ARB2A: variants seen among roughly 807,000 people sequenced by gnomAD.
The protein encoded by ARB2A is cotranscriptional regulator ARB2A.
At chr5:93,829,435 T>C in the ARB2A span, among the ~76,000 whole-genome samples, 1 of 152,210 alleles carries the variant, frequency 6.6e-6, no homozygotes, top group African/African-American at 2.4e-5. Context: ...TCATTTCCTC[T>C]GGAAAGTCAA....
chr5:93,954,248 C>T, the ARB2A span, among the ~76,000 whole-genome samples: 12 of 152,146 alleles, frequency 7.9e-5, no homozygotes, highest in African/African-American at 2.6e-4. Context: ...CACCTGAAGC[C>T]GCACATCTCA....
At chr5:93,658,093 T>C in the ARB2A span, among the ~76,000 whole-genome samples, 1 of 152,150 alleles carries the variant, frequency 6.6e-6, no homozygotes, top group African/African-American at 2.4e-5. Context: ...TTAGACTTCT[T>C]AATGTTTCTA....
the ARB2A span, chr5:93,784,366 A>G: frequency 6.2e-7 from 1 of 1,603,126 alleles, no homozygotes; most frequent in East Asian, 2.2e-5. Context: ...TCAGCACTAA[A>G]AAAAACCAAG....
chr5:94,056,611 TAA>T, the ARB2A span, among the ~76,000 whole-genome samples: 428 of 152,284 alleles, frequency 2.8e-3, 4 homozygotes, highest in Non-Finnish European at 4.0e-3. Context: ...CTCTAGTGGT[TAA>T]AGTGATCCAG....
chr5:93,881,713 C>A, the ARB2A span: 1 of 1,424,462 alleles, frequency 7.0e-7, no homozygotes, highest in Non-Finnish European at 9.3e-7. Context: ...AAGAAGGTAG[C>A]ATAATTTAAA....
chr5:93,683,350 T>C, the ARB2A span: 1 of 1,603,822 alleles, frequency 6.2e-7, no homozygotes, highest in Non-Finnish European at 8.5e-7. Flanking sequence ...CTTCTGACTC[T>C]GCATCTTCCT....
At chr5:94,048,117 C>T in the ARB2A span, among the ~76,000 whole-genome samples, 2 of 124,832 alleles carry the variant, frequency 1.6e-5, no homozygotes, top group African/African-American at 3.0e-5. Flanking sequence ...TGCAGTGGCA[C>T]GATCTCTGTT....
chr5:93,808,205 G>A, the ARB2A span, among the ~76,000 whole-genome samples: 1 of 151,938 alleles, frequency 6.6e-6, no homozygotes, highest in Non-Finnish European at 1.5e-5. Context: ...ATTTTTAATA[G>A]CTAGTTAAAA....
the ARB2A span, among the ~76,000 whole-genome samples, chr5:93,707,941 T>C: frequency 6.6e-6 from 1 of 152,226 alleles, no homozygotes; most frequent in Non-Finnish European, 1.5e-5. Context: ...ATCTCTTCTC[T>C]ACCCATTTAC....
chr5:94,005,390 T>C, the ARB2A span, among the ~76,000 whole-genome samples: 508 of 152,240 alleles, frequency 3.3e-3, 4 homozygotes, highest in African/African-American at 0.011. Flanking sequence ...TGTATTTTAG[T>C]AGAGATAGGG....
the ARB2A span, among the ~76,000 whole-genome samples, chr5:93,744,434 C>CAAAAAAAAAAAAAAAAAAAAAAAAAAAAA: frequency 1.4e-4 from 2 of 14,534 alleles, 1 homozygote; most frequent in African/African-American, 4.8e-4. Context: ...GACTCAGTCT[C>CAAAAAAAAAAAAAAAAAAAAAAAAAAAAA]AAAAAAAAAA....
At chr5:93,860,112 G>A in the ARB2A span, among the ~76,000 whole-genome samples, 1 of 152,044 alleles carries the variant, frequency 6.6e-6, no homozygotes, top group Non-Finnish European at 1.5e-5. Flanking sequence ...GACCAAGATG[G>A]TGAAACCCCG....
At chr5:93,982,324 T>C in the ARB2A span, among the ~76,000 whole-genome samples, 1 of 152,152 alleles carries the variant, frequency 6.6e-6, no homozygotes, top group African/African-American at 2.4e-5. Context: ...TGTATACAGA[T>C]AAAATGGATA....
chr5:93,914,720 A>C, the ARB2A span, among the ~76,000 whole-genome samples: 4 of 151,878 alleles, frequency 2.6e-5, no homozygotes, highest in Non-Finnish European at 5.9e-5. Context: ...TTTTTTACCT[A>C]ATCTAGATCT....
the ARB2A span, among the ~76,000 whole-genome samples, chr5:93,627,438 G>GTT: frequency 1.7e-3 from 179 of 108,018 alleles, 2 homozygotes; most frequent in African/African-American, 4.2e-3. Context: ...TACAAAATGT[G>GTT]TTTTGTTTTT....
the ARB2A span, among the ~76,000 whole-genome samples, chr5:93,815,684 G>C: frequency 5.6e-3 from 857 of 152,186 alleles, 7 homozygotes; most frequent in African/African-American, 0.02. Context: ...CCTCCCCCTG[G>C]TACTGGATCC....
the ARB2A span, among the ~76,000 whole-genome samples, chr5:93,852,403 T>C: frequency 1.3e-5 from 2 of 152,310 alleles, no homozygotes; most frequent in African/African-American, 2.4e-5. Flanking sequence ...ATTTTGTAGG[T>C]TGCCTGTTCA....
chr5:93,961,453 C>T, the ARB2A span, among the ~76,000 whole-genome samples: 3 of 152,040 alleles, frequency 2.0e-5, no homozygotes, highest in Non-Finnish European at 2.9e-5. Flanking sequence ...AAATGCTGCT[C>T]GATAAAGGAC....
chr5:93,896,010 T>G, the ARB2A span, among the ~76,000 whole-genome samples: 1 of 151,956 alleles, frequency 6.6e-6, no homozygotes, highest in African/African-American at 2.4e-5. Flanking sequence ...AAAATAGAAT[T>G]CATCAAAACT....
Sources: allele counts gnomAD v4.1 joint callset (sites outside exome capture counted in the v4.1 genomes callset), GRCh38; gene constraint gnomAD v4.1.1; transcripts MANE v1.5; gene names NCBI Gene and HGNC (gene_info 2026-07-23, HGNC 2026-07-21).